The following COL22A1 variants were observed in gnomAD, a reference collection of about 807,000 sequenced individuals.
COL22A1 encodes the protein collagen alpha-1(XXII) chain.
Under a neutral mutation model 248.9 loss-of-function variants are expected in COL22A1, and 221 were observed. The observed-to-expected ratio is 0.89, with a 90% CI of 0.80 to 0.99. The LOEUF is 0.99. COL22A1 is among the 50% of genes least tolerant of loss of function. COL22A1 has a pLI of 0.00. For synonymous variants in COL22A1, 891 were observed against 793.4 expected, an observed-to-expected ratio of 1.12 and a Z score of -2.07; for missense variants, 2,240 against 2,179.0, an observed-to-expected ratio of 1.03 and a Z score of -0.56.
intron 47 of COL22A1, among the ~76,000 whole-genome samples, chr8:138,640,005 C>T (rs1821528118): frequency 6.6e-6 from 1 of 152,234 alleles, no homozygotes; most frequent in Non-Finnish European, 1.5e-5. Flanking sequence ...TAAATCCTCT[C>T]ACTTGAGGAC....
At chr8:138,890,036 T>G (rs1210327003) in intron 1 of COL22A1, among the ~76,000 whole-genome samples, 1 of 152,102 alleles carries the variant, frequency 6.6e-6, no homozygotes, top group South Asian at 2.1e-4. Flanking sequence ...ACAGACACCA[T>G]GACCAAGTGA....
At chr8:138,816,469 G>C (rs1028839999) in intron 7 of COL22A1, among the ~76,000 whole-genome samples, 1 of 152,180 alleles carries the variant, frequency 6.6e-6, no homozygotes, top group Non-Finnish European at 1.5e-5. Context: ...TGGCTCCCTG[G>C]ATCCCAGCTT....
intron 3 of COL22A1, among the ~76,000 whole-genome samples, chr8:138,868,239 A>G (rs1027574006): frequency 1.3e-5 from 2 of 152,118 alleles, no homozygotes; most frequent in Non-Finnish European, 2.9e-5. Flanking sequence ...GCCTTCCCTG[A>G]CTTCTCATCC....
intron 11 of COL22A1, among the ~76,000 whole-genome samples, chr8:138,799,238 A>G (rs1292241126): frequency 6.6e-6 from 1 of 152,248 alleles, no homozygotes; most frequent in East Asian, 1.9e-4. Context: ...CTTACATCAG[A>G]ATAATTTCCT....
chr8:138,649,166 A>G (rs1283027604), intron 46 of COL22A1, among the ~76,000 whole-genome samples: 2 of 152,330 alleles, frequency 1.3e-5, no homozygotes, highest in African/African-American at 4.8e-5. Flanking sequence ...ATAGGGTCTC[A>G]GCCTTTTTCT....
At chr8:138,656,306 A>G (rs1486717850) in intron 44 of COL22A1, among the ~76,000 whole-genome samples, 5 of 152,194 alleles carry the variant, frequency 3.3e-5, no homozygotes, top group Non-Finnish European at 1.5e-5. Context: ...AACTGTTTGC[A>G]ATCTGGATTG....
intron 3 of COL22A1, among the ~76,000 whole-genome samples, chr8:138,848,498 G>C (rs564034962): frequency 6.6e-6 from 1 of 152,276 alleles, no homozygotes; most frequent in South Asian, 2.1e-4. Flanking sequence ...TTGTCCATTA[G>C]GGGAGGAAAA....
chr8:138,659,078 C>T (rs1032545022), intron 44 of COL22A1, among the ~76,000 whole-genome samples: 2 of 152,170 alleles, frequency 1.3e-5, no homozygotes, highest in Admixed American at 6.6e-5. Flanking sequence ...ACCTCACTCT[C>T]CCTGCACTTC....
chr8:138,840,331 AG>A (rs1820787766), intron 4 of COL22A1, among the ~76,000 whole-genome samples: 1 of 152,088 alleles, frequency 6.6e-6, no homozygotes, highest in Non-Finnish European at 1.5e-5. Flanking sequence ...TTCAGACTGA[AG>A]GATGCCCAGC....
At chr8:138,912,531 G>A (rs1291599314) in intron 1 of COL22A1, among the ~76,000 whole-genome samples, 3 of 152,106 alleles carry the variant, frequency 2.0e-5, no homozygotes, top group South Asian at 2.1e-4. Context: ...ACCTGAGGTC[G>A]GGAGTTGGAG....
chr8:138,660,604 G>T, intron 43 of COL22A1, 124 bp from the exon 44 acceptor site: 2 of 795,968 alleles, frequency 2.5e-6, no homozygotes, highest in East Asian at 2.6e-5. Context: ...AAAATCATCA[G>T]ACCATGAGGA....
At chr8:138,796,899 TC>T in intron 11 of COL22A1, 42 bp from the exon 12 acceptor site, 1 of 1,350,850 alleles carries the variant, frequency 7.4e-7, no homozygotes, top group Non-Finnish European at 1.1e-6. Context: ...ACAGAGCATC[TC>T]CATGGCATGA....
At chr8:138,766,985 G>A (rs12546880) in intron 16 of COL22A1, among the ~76,000 whole-genome samples, 1 of 152,056 alleles carries the variant, frequency 6.6e-6, no homozygotes, top group African/African-American at 2.4e-5. Flanking sequence ...CGGGCTCCGG[G>A]GTAGAGGGGA....
chr8:138,756,516 CTAAAG>C (rs1833018714), intron 18 of COL22A1, among the ~76,000 whole-genome samples: 2 of 152,048 alleles, frequency 1.3e-5, no homozygotes, highest in Admixed American at 6.5e-5. Flanking sequence ...TGCCTTATGG[CTAAAG>C]CAAGGAAAAT....
chr8:138,649,589 AT>A (rs1325342513), intron 46 of COL22A1, 75 bp downstream of exon 46: 1 of 1,548,750 alleles, frequency 6.5e-7, no homozygotes, highest in Non-Finnish European at 8.7e-7. Flanking sequence ...TCAGAGGCAG[AT>A]GGGGCAATAC....
intron 23 of COL22A1, among the ~76,000 whole-genome samples, chr8:138,725,947 G>A (rs1287664239): frequency 6.6e-6 from 1 of 152,188 alleles, no homozygotes; most frequent in African/African-American, 2.4e-5. Context: ...TGGGGTGAGT[G>A]GGTCTCGCAT....
At chr8:138,675,457 A>G (rs1825433830) in intron 41 of COL22A1, among the ~76,000 whole-genome samples, 1 of 152,226 alleles carries the variant, frequency 6.6e-6, no homozygotes, top group Non-Finnish European at 1.5e-5. Flanking sequence ...GTATTACTCC[A>G]GTTTATATTC....
chr8:138,831,120 G>A (rs1186361769), intron 5 of COL22A1, among the ~76,000 whole-genome samples: 2 of 152,136 alleles, frequency 1.3e-5, no homozygotes, highest in South Asian at 2.1e-4. Flanking sequence ...TGTGAGCCAC[G>A]GATGAAATGA....
chr8:138,904,195 C>T (rs1814824882), intron 1 of COL22A1, among the ~76,000 whole-genome samples: 1 of 152,160 alleles, frequency 6.6e-6, no homozygotes, highest in African/African-American at 2.4e-5. Context: ...GCTTCTTAAA[C>T]TGCTTTCTGG....
Sources: gnomAD v4.1 joint callset for allele counts (sites outside exome capture counted in the v4.1 genomes callset) on GRCh38, gnomAD v4.1.1 for gene constraint, MANE v1.5 for transcripts, NCBI Gene and HGNC (gene_info 2026-07-23, HGNC 2026-07-21) for gene names.